Variants in EXOC3 observed in about 807,000 individuals in gnomAD.
EXOC3 encodes the protein SEC6-like 1.
EXOC3 carries 21 observed loss-of-function variants against 73.7 expected under a neutral mutation model. The ratio of observed to expected loss-of-function variants is 0.29; its 90% confidence interval spans 0.20 to 0.41. The LOEUF (loss-of-function observed/expected upper bound fraction) is 0.41, where lower values mean the gene tolerates loss of function less well. Among genes scored for constraint, EXOC3 ranks in the 10% least tolerant of loss-of-function variants. The probability of loss-of-function intolerance (pLI) is 1.00; values close to 1 mark genes in which losing one functional copy is unlikely to be tolerated. For synonymous variants in EXOC3, 410 were observed against 389.1 expected (o/e 1.05, Z -0.63); for missense variants, 842 against 985.1 (o/e 0.85, Z 1.95).
chr5:465,284 G>A lies in EXOC3; in HGVS notation c.1938+12G>A. 1 of 1,568,746 alleles carries A rather than the reference G, an allele frequency of 6.4e-7. No individual in the cohort carries two copies. The highest frequency in any genetic ancestry group is 1.2e-5 in the South Asian group (1 of 85,344). ...GGAAGCTGGCGTCCGTGAGTGTCGC[G>A]CAGGTCCGGGCTGGAGAAGGCCTGT... On this transcript the variant is annotated intron_variant, in intron 11 of 12. Coordinates refer to ENST00000512944, the MANE Select transcript of EXOC3 (RefSeq NM_007277.5).
chr5:455,945 T>C (rs1038303788), intron 4 of EXOC3, among the ~76,000 whole-genome samples: 1 of 152,256 alleles, frequency 6.6e-6, no homozygotes, highest in African/African-American at 2.4e-5. Flanking sequence ...AAATGTAGCA[T>C]GTGTTTCCTG....
At position 457,003 on chromosome 5, in the gene EXOC3, C is replaced by T. The variant is rs372030648; in HGVS notation, c.1161C>T (p.Leu387=). 19 of 1,609,902 alleles carry T rather than the reference C, an allele frequency of 1.2e-5. No homozygotes were observed. Among genetic ancestry groups the T allele is most frequent in the South Asian group, 3.3e-5 (3 of 90,910 alleles). Residue 387 remains leucine, a synonymous_variant, in exon 5 of 13, where the codon CTC becomes CTT. Transcript: ENST00000512944. The stretch of plus-strand genomic sequence containing the variant: ...TGCTTGACACGTACATGTCCACGCT[C>T]ACTGTGAGTAGGGCTGGCCTGCGTG... The part of the protein sequence containing the change: ...SELLDTYMST[L]TSNIIAWLRK...
At chr5:462,974 G>A (rs539801458) in intron 9 of EXOC3, among the ~76,000 whole-genome samples, 7 of 152,266 alleles carry the variant, frequency 4.6e-5, no homozygotes, top group Non-Finnish European at 8.8e-5. Flanking sequence ...GTGTGGTGGC[G>A]CATACCTGTA....
Position 466,763 on chromosome 5 carries a change from G to C in EXOC3, c.2103G>C (p.Gly701=), listed in dbSNP as rs772274712. ...TCGGTGCGCTGCTGGCTGTGCGTGG[G>C]GACGCCAGCCGTGACATGAAGCAGA... ...DHIGALLAVR[G]DASRDMKQTI... Residue 701 remains glycine, a synonymous_variant, in exon 13 of 13, where the codon GGG becomes GGC. Coordinates refer to ENST00000512944, the MANE Select transcript of EXOC3 (RefSeq NM_007277.5). 6.2e-7 allele frequency: 1 copy of C among 1,613,196 alleles called. No homozygotes were observed. Among genetic ancestry groups the C allele is most frequent in the South Asian group, 1.1e-5 (1 of 91,082 alleles).
At chr5:463,380 C>T (rs1560940534) in intron 9 of EXOC3, among the ~76,000 whole-genome samples, 1 of 152,236 alleles carries the variant, frequency 6.6e-6, no homozygotes, top group East Asian at 1.9e-4. Flanking sequence ...GGCCACCTCA[C>T]ATTAAAAGCA....
intron 12 of EXOC3, 167 bp downstream of exon 12, chr5:466,012 C>A: frequency 1.7e-6 from 1 of 596,260 alleles, no homozygotes; most frequent in Non-Finnish European, 2.8e-6. Flanking sequence ...AGCAGAGCTG[C>A]TTCTGTGCTG....
At chr5:444,011 C>T (rs1211706255) in intron 1 of EXOC3, among the ~76,000 whole-genome samples, 2 of 151,574 alleles carry the variant, frequency 1.3e-5, no homozygotes, top group South Asian at 4.2e-4. Context: ...GTGTTCCCCT[C>T]GGCGCAGGCG....
chr5:457,525 CGTGAG>C (rs1737858184), intron 5 of EXOC3: 3 of 230,604 alleles, frequency 1.3e-5, no homozygotes, highest in Non-Finnish European at 2.6e-5. Flanking sequence ...TCTCTTGGGA[CGTGAG>C]CTGCTGTGGT....
intron 5 of EXOC3, 95 bp from the exon 6 acceptor site, chr5:457,805 T>G: frequency 2.4e-5 from 32 of 1,350,754 alleles, no homozygotes; most frequent in Non-Finnish European, 2.9e-5. Flanking sequence ...GTCTGGTTTG[T>G]GGAGCTTGTG....
intron 5 of EXOC3, 118 bp from the exon 6 acceptor site, chr5:457,782 G>A (rs1362289325): frequency 1.2e-5 from 14 of 1,122,004 alleles, no homozygotes; most frequent in African/African-American, 1.6e-5. Context: ...GAAAGAGGAC[G>A]CTGGTGCCCT....
chr5:456,350 T>G (rs1248192133), intron 4 of EXOC3, among the ~76,000 whole-genome samples: 1 of 152,108 alleles, frequency 6.6e-6, no homozygotes, highest in African/African-American at 2.4e-5. Context: ...CCAAATACTT[T>G]CAGTTTGTGT....
Position 465,186 on chromosome 5 carries a change from C to G in EXOC3, c.1852C>G (p.Arg618Gly). 1.3e-6 allele frequency: 2 copies of G among 1,595,318 alleles called. No individual in the cohort carries two copies. The highest frequency in any genetic ancestry group is 2.3e-5 in the South Asian group (2 of 87,860). Reference sequence around the variant, plus strand: ...GGTCATGCAGAAGCGCATTTCCTTCCGGAGCCCGGAGGAGCGCAAGGAGGG... The same window carrying G: ...GGTCATGCAGAAGCGCATTTCCTTCGGGAGCCCGGAGGAGCGCAAGGAGGG... ...RAVMQKRISF[R>G]SPEERKEGAE... Residue 618 changes from arginine (R) to glycine (G), a missense_variant, in exon 11 of 13, where the codon CGG (arginine) becomes GGG (glycine). Arg to Gly is a moderately radical substitution (Grantham distance 125). Transcript: ENST00000512944.
chr5:462,964 G>A (rs1437328089), intron 9 of EXOC3, among the ~76,000 whole-genome samples: 2 of 152,224 alleles, frequency 1.3e-5, no homozygotes, highest in African/African-American at 2.4e-5. Context: ...AATTACCTGG[G>A]TGTGGTGGCG....
chr5:450,400 GAT>G (rs1395034286), intron 3 of EXOC3, among the ~76,000 whole-genome samples: 1 of 152,204 alleles, frequency 6.6e-6, no homozygotes, highest in Non-Finnish European at 1.5e-5. Flanking sequence ...GTTTGGAGAA[GAT>G]ACTTTGTATG....
chr5:458,005 C>A lies in EXOC3; in HGVS notation c.1270C>A (p.Leu424Ile). ...CCAGGACGGGTACTACCAGACCACA[C>A]TCCCTGCCATTGTCTTCCAGGTACC... Reference protein sequence around the residue: ...ADQDGYYQTTLPAIVFQMFEQ... With the variant: ...ADQDGYYQTTIPAIVFQMFEQ... The change falls in exon 6 of 13, where the codon CTC becomes ATC. Residue 424 changes from leucine (L) to isoleucine (I), a missense_variant. Physicochemically the swap from Leu to Ile is conservative, Grantham distance 5. Transcript: ENST00000512944. 1 of 1,612,552 alleles carries A rather than the reference C, an allele frequency of 6.2e-7. No homozygotes were observed. Among genetic ancestry groups the A allele is most frequent in the African/African-American group, 1.3e-5 (1 of 75,030 alleles).
intron 4 of EXOC3, among the ~76,000 whole-genome samples, chr5:454,684 A>G (rs1737752824): frequency 6.6e-6 from 1 of 152,200 alleles, no homozygotes; most frequent in Admixed American, 6.5e-5. Flanking sequence ...AGTGTTGAAA[A>G]ATGGTGCAGT....
At chr5:453,165 C>T (rs1737704211) in intron 3 of EXOC3, among the ~76,000 whole-genome samples, 1 of 152,188 alleles carries the variant, frequency 6.6e-6, no homozygotes, top group Non-Finnish European at 1.5e-5. Context: ...CTGCAAATGA[C>T]CACAGTTAAC....
At chr5:460,702 C>T (rs546206055) in intron 7 of EXOC3, among the ~76,000 whole-genome samples, 3 of 152,256 alleles carry the variant, frequency 2.0e-5, no homozygotes, top group Non-Finnish European at 4.4e-5. Flanking sequence ...CATTGGCCTT[C>T]TATCCACAGA....
At chr5:466,066 A>T in intron 12 of EXOC3, 33 of 251,152 alleles carry the variant, frequency 1.3e-4, no homozygotes, top group Non-Finnish European at 1.9e-4. Flanking sequence ...GTGGAGCTCG[A>T]GGGGCACATC....
Sources: gnomAD v4.1 joint callset for allele counts (sites outside exome capture counted in the v4.1 genomes callset) on GRCh38, gnomAD v4.1.1 for gene constraint, MANE v1.5 for transcripts, NCBI Gene and HGNC (gene_info 2026-07-23, HGNC 2026-07-21) for gene names.